ZNF726: variants seen among roughly 807,000 people sequenced by gnomAD.
ZNF726 encodes zinc finger protein 92 pseudogene 3.
Under a neutral mutation model 11.6 loss-of-function variants are expected in ZNF726, and 15 were observed. That is an observed-to-expected ratio of 1.29 (90% CI 0.86 to 1.99). ZNF726 has a LOEUF of 1.99. Ranked by LOEUF, ZNF726 falls within the 30% of genes most tolerant of loss-of-function variation. The pLI is 0.00. For synonymous variants in ZNF726, 295 were observed against 243.6 expected (o/e 1.21, Z -1.96); for missense variants, 890 against 725.6 (o/e 1.23, Z -2.60).
chr19:23,932,925 C>T lies in ZNF726; in HGVS notation c.809C>T (p.Ser270Leu), dbSNP rs1968143335. 1 of 1,610,912 alleles carries T rather than the reference C, an allele frequency of 6.2e-7. No individual in the cohort carries two copies. Among genetic ancestry groups the T allele is most frequent in the Non-Finnish European group, 8.5e-7 (1 of 1,179,176 alleles). ...EECGKAFSQS[S>L]TLTIHKRIHT... ...TGTGGCAAAGCATTTAGCCAATCCT[C>T]AACACTAACCATACATAAGAGGATA... Residue 270 changes from serine (S) to leucine (L), a missense_variant, in exon 4 of 4, where the codon TCA (serine) becomes TTA (leucine). Physicochemically the swap from Ser to Leu is moderately radical, Grantham distance 145. Transcript: ENST00000594466.
rs772415006 is a variant in ZNF726 at position 23,919,334 on chromosome 19, G to A, written c.4-39G>A. Reference sequence around the variant, plus strand: ...AGTCAAATGAAAAATTCTGCCCATAGCCACTTTGTAAATATGTGTGTTTGT... The same window carrying A: ...AGTCAAATGAAAAATTCTGCCCATAACCACTTTGTAAATATGTGTGTTTGT... On this transcript the variant is annotated intron_variant, in intron 1 of 3. Coordinates refer to ENST00000594466, the MANE Select transcript of ZNF726 (RefSeq NM_001244038.2). The A allele has an allele frequency of 5.0e-5, 79 of 1,589,838 alleles. 1 individual carries two copies. In the South Asian group the frequency reaches 8.1e-4, roughly 16 times the overall value.
At chr19:23,919,912 TTTAC>T (rs1967799495) in intron 2 of ZNF726, 71 bp from the exon 3 acceptor site, 3 of 987,844 alleles carry the variant, frequency 3.0e-6, no homozygotes, top group Non-Finnish European at 4.4e-6. Flanking sequence ...TTATATCCCT[TTTAC>T]TTTGCACATT....
chr19:23,932,826 C>A lies in ZNF726; in HGVS notation c.710C>A (p.Ala237Asp). The change falls in exon 4 of 4, where the codon GCT (alanine) becomes GAT (aspartate). Residue 237 changes from alanine to aspartate, a missense_variant. Physicochemically the swap from Ala to Asp is moderately radical, Grantham distance 126. Transcript: ENST00000594466. ...KPYKCEEYGK[A>D]FNQSSNYTTH... Reference sequence around the variant, plus strand: ...TACAAATGTGAAGAATATGGCAAAGCTTTTAATCAATCCTCAAATTATACT... The same window carrying A: ...TACAAATGTGAAGAATATGGCAAAGATTTTAATCAATCCTCAAATTATACT... 6.2e-7 allele frequency: 1 copy of A among 1,607,282 alleles called. No homozygotes were observed. Among genetic ancestry groups the A allele is most frequent in the Non-Finnish European group, 8.5e-7 (1 of 1,176,958 alleles).
At chr19:23,917,136 A>G (rs1202649336) in intron 1 of ZNF726, among the ~76,000 whole-genome samples, 4 of 152,130 alleles carry the variant, frequency 2.6e-5, no homozygotes, top group Non-Finnish European at 4.4e-5. Context: ...TTCTTAGTAG[A>G]AATGGAGTTT....
At chr19:23,921,176 A>C (rs1443384997) in intron 3 of ZNF726, 1 of 152,192 alleles carries the variant, frequency 6.6e-6, no homozygotes. Flanking sequence ...GGCACCTGTA[A>C]TCCCAGCTAC....
chr19:23,920,047 A>C lies in ZNF726; in HGVS notation c.191A>C (p.Asn64Thr), dbSNP rs1488498258. 1 of 1,589,274 alleles carries C rather than the reference A, an allele frequency of 6.3e-7. No homozygotes were observed. The change falls in exon 3 of 4, where the codon AAT becomes ACT. Residue 64 changes from asparagine (N) to threonine (T), a missense_variant. Asn to Thr is a moderately conservative substitution (Grantham distance 65). Transcript: ENST00000594466. ...CTGGAGAAAGAAAAAGAGCCCTGGA[A>C]TATGAAGCGAGATGAGATGGTGGAT... ...ICLEKEKEPWNMKRDEMVDEP... is the reference protein window; with the variant it reads ...ICLEKEKEPWTMKRDEMVDEP...
chr19:23,933,006 C>A lies in ZNF726; in HGVS notation c.890C>A (p.Pro297His). The change falls in exon 4 of 4, where the codon CCC becomes CAC. Residue 297 changes from proline to histidine, a missense_variant. Coordinates refer to ENST00000594466, the MANE Select transcript of ZNF726 (RefSeq NM_001244038.2). The part of the protein sequence containing the change: ...CEECGKAFSQ[P>H]SALTIHKRMH... ...GAATGTGGCAAAGCATTTAGCCAAC[C>A]CTCAGCACTAACCATACATAAGAGG... 1.9e-6 allele frequency: 3 copies of A among 1,612,686 alleles called. No homozygotes were observed. Among genetic ancestry groups the A allele is most frequent in the African/African-American group, 1.3e-5 (1 of 74,928 alleles).
At chr19:23,927,701 C>T (rs975413931) in intron 3 of ZNF726, 1 of 152,162 alleles carries the variant, frequency 6.6e-6, no homozygotes, top group African/African-American at 2.4e-5. Flanking sequence ...AGGCTGGCCT[C>T]AAACTTTTAA....
intron 3 of ZNF726, among the ~76,000 whole-genome samples, chr19:23,924,897 AAAAAAAG>A (rs1037024227): frequency 6.6e-6 from 1 of 152,168 alleles, no homozygotes; most frequent in African/African-American, 2.4e-5. Context: ...GTCTTAAAAA[AAAAAAAG>A]TGTATATTTC....
At chr19:23,920,870 C>T (rs927446442) in intron 3 of ZNF726, 3 of 149,160 alleles carry the variant, frequency 2.0e-5, no homozygotes, top group Non-Finnish European at 3.0e-5. Context: ...AGGGTATACT[C>T]GCCAGCAGTT....
chr19:23,920,968 T>A (rs1380117257), intron 3 of ZNF726: 1 of 152,286 alleles, frequency 6.6e-6, no homozygotes, highest in African/African-American at 2.4e-5. Flanking sequence ...TTCCACTGGC[T>A]GGAACGGGCA....
rs1339626320 is a variant in ZNF726 at position 23,932,711 on chromosome 19, A to T, written c.595A>T (p.Lys199Ter). ...TQHKSIYTTE[K>*]SYKCKECGKT... is the part of the protein sequence containing the mutation. The stretch of plus-strand genomic sequence containing the variant: ...GCATAAAAGCATATATACTACAGAG[A>T]AGTCCTACAAATGTAAAGAATGTGG... The change falls in exon 4 of 4, where the codon AAG becomes TAG. Residue 199 changes from lysine to a stop codon, truncating the protein, a stop_gained. Coordinates refer to ENST00000594466, the MANE Select transcript of ZNF726 (RefSeq NM_001244038.2). LOFTEE classifies it low-confidence loss of function (END_TRUNC). 6.2e-7 allele frequency: 1 copy of T among 1,607,372 alleles called. No homozygotes were observed. The highest frequency in any genetic ancestry group is 1.3e-5 in the African/African-American group (1 of 74,420).
chr19:23,934,065 G>C lies in ZNF726; in HGVS notation c.*98G>C, dbSNP rs769386452. 4.2e-6 allele frequency: 6 copies of C among 1,412,314 alleles called. No homozygotes were observed. In the African/African-American group the frequency reaches 8.6e-5, roughly 20 times the overall value. The allele number at this position is 1,412,314 out of a possible 1,614,324, so 87.5% of individuals were successfully genotyped here. On this transcript the variant is annotated 3_prime_UTR_variant, in exon 4 of 4. Transcript: ENST00000594466. ...CACACTGGAGAGAAACCCTACAAAT[G>C]TGAAGAATGTGAAAAAGCTTTTAAT...
intron 3 of ZNF726, chr19:23,920,356 CT>C (rs77126357): frequency 1.3e-4 from 24 of 189,540 alleles, no homozygotes; most frequent in Middle Eastern, 1.8e-3. Flanking sequence ...TACAATCTGA[CT>C]TTTTTTTTCT....
intron 3 of ZNF726, among the ~76,000 whole-genome samples, chr19:23,924,340 C>T (rs759181170): frequency 2.9e-4 from 44 of 152,172 alleles, no homozygotes; most frequent in Admixed American, 1.6e-3. Context: ...AGGCGTGAGC[C>T]GCCTTGCCTG....
chr19:23,934,343 A>T lies in ZNF726; in HGVS notation c.*376A>T, dbSNP rs78397680. 1 of 556,054 alleles carries T rather than the reference A, an allele frequency of 1.8e-6. No homozygotes were observed. Among genetic ancestry groups the T allele is most frequent in the Non-Finnish European group, 3.6e-6 (1 of 279,338 alleles). 34.4% of individuals were successfully genotyped at this position (556,054 alleles called of 1,614,324 possible). Reference sequence around the variant, plus strand: ...TGGCAAAGCCTTTAAATGTTCCTCAACTGTTACTGAACATAAAGTAATTCA... The same window carrying T: ...TGGCAAAGCCTTTAAATGTTCCTCATCTGTTACTGAACATAAAGTAATTCA... On this transcript the variant is annotated 3_prime_UTR_variant, in exon 4 of 4. Coordinates refer to ENST00000594466, the MANE Select transcript of ZNF726 (RefSeq NM_001244038.2).
Position 23,925,805 on chromosome 19 carries a change from C to T in ZNF726, c.226+5723C>T, listed in dbSNP as rs186703307. Among the ~76,000 whole-genome samples the T allele has an allele frequency of 8.3e-3, 1,216 of 147,048 alleles. 16 individuals carry two copies. Among genetic ancestry groups the T allele is most frequent in the African/African-American group, 0.029 (1,140 of 39,624 alleles). ...GATCTCGGCTCCCTGCAACCTCCGC[C>T]TCCTGGGTTCAAGCGATTCTCCCAC... On this transcript the variant is annotated intron_variant, in intron 3 of 3. Transcript: ENST00000594466.
intron 1 of ZNF726, among the ~76,000 whole-genome samples, 197 bp downstream of exon 1, chr19:23,915,194 T>C (rs1342093101): frequency 6.6e-6 from 1 of 152,138 alleles, no homozygotes; most frequent in East Asian, 1.9e-4. Context: ...GCGTTCTGTC[T>C]CTTCACTGCG....
downstream of ZNF726, among the ~76,000 whole-genome samples, chr19:23,934,745 C>T (rs1028079558): frequency 6.6e-6 from 1 of 152,108 alleles, no homozygotes; most frequent in African/African-American, 2.4e-5. Flanking sequence ...AGCTCTTTTT[C>T]CTTTTTCTGC....
Sources: allele counts gnomAD v4.1 joint callset (sites outside exome capture counted in the v4.1 genomes callset), GRCh38; gene constraint gnomAD v4.1.1; transcripts MANE v1.5; gene names NCBI Gene and HGNC (gene_info 2026-07-23, HGNC 2026-07-21).